SPIDR: variants seen among roughly 807,000 people sequenced by gnomAD.
SPIDR encodes scaffold protein involved in DNA repair.
Under a neutral mutation model 104.6 loss-of-function variants are expected in SPIDR, and 93 were observed. That is an observed-to-expected ratio of 0.89 (90% CI 0.75 to 1.06). SPIDR has a LOEUF of 1.06. Ranked by LOEUF, SPIDR falls within the 50% of genes least tolerant of loss-of-function variation. The pLI is 0.00. For missense variants in SPIDR, 1,154 were observed against 1,111.2 expected, an observed-to-expected ratio of 1.04 and a Z score of -0.55; for synonymous variants, 431 against 416.9, an observed-to-expected ratio of 1.03 and a Z score of -0.41.
At chr8:47,612,034 C>A (rs1476369184) in intron 10 of SPIDR, among the ~76,000 whole-genome samples, 2 of 152,142 alleles carry the variant, frequency 1.3e-5, no homozygotes, top group African/African-American at 2.4e-5. Context: ...AGCGCAAGAC[C>A]ACCCTTCCTT....
At position 47,457,249 on chromosome 8, in the gene SPIDR, C is replaced by T. The variant is rs184927576; in HGVS notation, c.1097+16707C>T. Among the ~76,000 whole-genome samples the T allele has an allele frequency of 2.8e-3, 429 of 152,228 alleles. 1 individual carries two copies. Among genetic ancestry groups the T allele is most frequent in the African/African-American group, 9.8e-3 (406 of 41,552 alleles). Reference sequence around the variant, plus strand: ...CAGTGTATTAGTGTTCCCTTTTCACCGCATCCACATCAACATCTATTATTT... The same window carrying T: ...CAGTGTATTAGTGTTCCCTTTTCACTGCATCCACATCAACATCTATTATTT... On this transcript the variant is annotated intron_variant, in intron 8 of 19. Transcript: ENST00000297423.
chr8:47,697,742 T>G (rs575005729), intron 11 of SPIDR: 47 of 152,718 alleles, frequency 3.1e-4, no homozygotes, highest in African/African-American at 1.1e-3. Context: ...CCCCCCAGCC[T>G]TCTTCTTGCC....
At chr8:47,504,394 A>G (rs1034474846) in intron 8 of SPIDR, among the ~76,000 whole-genome samples, 12 of 151,924 alleles carry the variant, frequency 7.9e-5, no homozygotes, top group African/African-American at 1.9e-4. Flanking sequence ...TTGATCTTCT[A>G]TCACTGATAC....
chr8:47,290,948 T>C, intron 3 of SPIDR, 85 bp from the exon 4 acceptor site: 1 of 1,021,126 alleles, frequency 9.8e-7, no homozygotes, highest in East Asian at 2.5e-5. Flanking sequence ...TTTGTGACTT[T>C]GGCAAAATTA....
intron 5 of SPIDR, among the ~76,000 whole-genome samples, chr8:47,294,592 C>T (rs1037085186): frequency 2.6e-5 from 4 of 152,100 alleles, no homozygotes; most frequent in Non-Finnish European, 4.4e-5. Flanking sequence ...TAGTCGTACT[C>T]GTGGCCATCG....
intron 10 of SPIDR, among the ~76,000 whole-genome samples, chr8:47,626,810 C>T (rs937572801): frequency 6.6e-6 from 1 of 152,116 alleles, no homozygotes; most frequent in Non-Finnish European, 1.5e-5. Flanking sequence ...CTAGTTCAAC[C>T]ATTGTGGAAG....
intron 10 of SPIDR, among the ~76,000 whole-genome samples, chr8:47,620,011 A>G (rs569569672): frequency 1.5e-4 from 23 of 152,328 alleles, no homozygotes; most frequent in Admixed American, 3.3e-4. Context: ...GAAGGAGCCC[A>G]CTATCTTTTC....
chr8:47,603,591 TCTCA>T (rs1260766917), intron 10 of SPIDR, among the ~76,000 whole-genome samples: 1 of 147,392 alleles, frequency 6.8e-6, no homozygotes, highest in African/African-American at 2.5e-5. Flanking sequence ...AGAGATAGGG[TCTCA>T]CTCTGTTGCC....
chr8:47,732,187 G>A (rs1189262810), intron 19 of SPIDR: 3 of 702,394 alleles, frequency 4.3e-6, no homozygotes, highest in Middle Eastern at 2.3e-4. Flanking sequence ...GTTTCCTTCT[G>A]GCTAAGGTGC....
At chr8:47,268,283 G>A (rs1324087518) in intron 1 of SPIDR, among the ~76,000 whole-genome samples, 1 of 152,006 alleles carries the variant, frequency 6.6e-6, no homozygotes, top group Non-Finnish European at 1.5e-5. Context: ...TTTCTGACTT[G>A]TTTTCTGTTT....
chr8:47,350,974 T>G (rs2053396430), intron 5 of SPIDR, among the ~76,000 whole-genome samples: 1 of 152,198 alleles, frequency 6.6e-6, no homozygotes, highest in Non-Finnish European at 1.5e-5. Context: ...CTGTCTCATC[T>G]GGGACATGAA....
rs1468977455 is a variant in SPIDR at position 47,370,714 on chromosome 8, T to G, written c.526-25662T>G. 3.3e-5 allele frequency among the ~76,000 whole-genome samples: 5 copies of G among 151,930 alleles called. No individual in the cohort carries two copies. In the East Asian group the frequency reaches 9.7e-4, roughly 29 times the overall value. On this transcript the variant is annotated intron_variant, in intron 5 of 19. Transcript: ENST00000297423. ...ATCCACCCACCTCAGCCTCCCAAAG[T>G]GCTGTGATTACAGGCATGAGCCACC...
intron 5 of SPIDR, among the ~76,000 whole-genome samples, chr8:47,356,297 GA>G (rs572773506): frequency 4.4e-4 from 67 of 152,318 alleles, no homozygotes; most frequent in Non-Finnish European, 7.9e-4. Flanking sequence ...TTTTACTCCT[GA>G]AATGAAGGTG....
chr8:47,321,686 T>G (rs2046630431), intron 5 of SPIDR, among the ~76,000 whole-genome samples: 1 of 152,138 alleles, frequency 6.6e-6, no homozygotes, highest in Non-Finnish European at 1.5e-5. Flanking sequence ...GCTACCTGAC[T>G]TCAAACTATA....
intron 8 of SPIDR, among the ~76,000 whole-genome samples, chr8:47,517,262 A>C (rs767311900): frequency 3.3e-5 from 5 of 152,194 alleles, no homozygotes; most frequent in Non-Finnish European, 4.4e-5. Context: ...CTAGGATGAC[A>C]GGTGTGAGCC....
chr8:47,682,254 C>CAAAAAAA lies in SPIDR; in HGVS notation c.1685+8328_1685+8334dup. Among the ~76,000 whole-genome samples, 2 of 72,192 alleles carry CAAAAAAA rather than the reference C, an allele frequency of 2.8e-5. 1 individual carries two copies. Among genetic ancestry groups the CAAAAAAA allele is most frequent in the Non-Finnish European group, 5.8e-5 (2 of 34,732 alleles). The allele number at this position is 72,192 out of a possible 152,430, so 47.4% of individuals were successfully genotyped here. On this transcript the variant is annotated intron_variant, in intron 11 of 19. Transcript: ENST00000297423. ...GACCTCAAAAACATGATGCTAAGTCCAAAAAAAAAAAAAAAAAAAAACCCA... is the reference window on the plus strand; with the variant it reads ...GACCTCAAAAACATGATGCTAAGTCCAAAAAAAAAAAAAAAAAAAAAAAAAAAACCCA...
chr8:47,345,893 A>G (rs553024943), intron 5 of SPIDR, among the ~76,000 whole-genome samples: 6 of 152,340 alleles, frequency 3.9e-5, no homozygotes, highest in African/African-American at 1.2e-4. Flanking sequence ...TAAATATACA[A>G]TGATGTCATC....
At chr8:47,403,759 G>T (rs1471117376) in intron 6 of SPIDR, among the ~76,000 whole-genome samples, 3 of 152,008 alleles carry the variant, frequency 2.0e-5, no homozygotes, top group Non-Finnish European at 4.4e-5. Context: ...ATCAATATTG[G>T]GAAAATGGCC....
At chr8:47,572,518 T>C (rs1365248370) in intron 8 of SPIDR, among the ~76,000 whole-genome samples, 2 of 151,792 alleles carry the variant, frequency 1.3e-5, no homozygotes, top group African/African-American at 4.8e-5. Flanking sequence ...AAAAGTTAGC[T>C]GGGCATGGTG....
Sources: gnomAD v4.1 joint callset for allele counts (sites outside exome capture counted in the v4.1 genomes callset) on GRCh38, gnomAD v4.1.1 for gene constraint, MANE v1.5 for transcripts, NCBI Gene and HGNC (gene_info 2026-07-23, HGNC 2026-07-21) for gene names.